The following NTM variants were observed in gnomAD, a reference collection of about 807,000 sequenced individuals.
NTM encodes neurotrimin.
NTM carries 13 observed loss-of-function variants against 42.1 expected under a neutral mutation model. The observed-to-expected ratio is 0.31, with a 90% CI of 0.20 to 0.49. The LOEUF is 0.49. NTM is among the 20% of genes least tolerant of loss of function. The pLI is 0.99. For missense variants in NTM, 373 were observed against 452.8 expected, an observed-to-expected ratio of 0.82 and a Z score of 1.60; for synonymous variants, 187 against 179.2, an observed-to-expected ratio of 1.04 and a Z score of -0.35.
intron 1 of NTM, among the ~76,000 whole-genome samples, chr11:131,630,204 T>C (rs143498412): frequency 6.6e-6 from 1 of 152,116 alleles, no homozygotes; most frequent in Non-Finnish European, 1.5e-5. Flanking sequence ...AAGGTGAGAA[T>C]GGATATTGGC....
At chr11:131,404,731 G>A (rs1208433387) in intron 1 of NTM, among the ~76,000 whole-genome samples, 2 of 152,190 alleles carry the variant, frequency 1.3e-5, no homozygotes, top group African/African-American at 2.4e-5. Context: ...CAATGGAGAG[G>A]TTTAGTTGCC....
At chr11:131,711,682 A>C (rs1352678945) in intron 1 of NTM, among the ~76,000 whole-genome samples, 36 of 151,906 alleles carry the variant, frequency 2.4e-4, no homozygotes, top group African/African-American at 8.2e-4. Flanking sequence ...ACATGCACAC[A>C]TATGTTTATT....
chr11:132,263,389 A>G (rs1032675207), intron 4 of NTM, among the ~76,000 whole-genome samples: 1 of 152,240 alleles, frequency 6.6e-6, no homozygotes, highest in African/African-American at 2.4e-5. Context: ...AAGAAATCAG[A>G]CAACCTTCCT....
chr11:131,448,959 C>A (rs1950271556), intron 1 of NTM, among the ~76,000 whole-genome samples: 1 of 152,160 alleles, frequency 6.6e-6, no homozygotes, highest in South Asian at 2.1e-4. Flanking sequence ...TTTTGTCCAT[C>A]CACTGAGAAC....
intron 2 of NTM, among the ~76,000 whole-genome samples, chr11:132,029,976 A>G (rs1309174805): frequency 6.6e-6 from 1 of 152,202 alleles, no homozygotes; most frequent in Non-Finnish European, 1.5e-5. Flanking sequence ...TTTAAATGGA[A>G]CTTAAAACAT....
intron 2 of NTM, among the ~76,000 whole-genome samples, chr11:132,125,580 ATGTGGTG>A (rs2065604536): frequency 3.1e-5 from 1 of 32,760 alleles, no homozygotes; most frequent in African/African-American, 1.2e-4. Flanking sequence ...ATGAATGTGT[ATGTGGTG>A]TGTAGTGTGT....
chr11:132,104,807 A>G (rs960641734), intron 2 of NTM, among the ~76,000 whole-genome samples: 10 of 149,566 alleles, frequency 6.7e-5, no homozygotes, highest in Non-Finnish European at 1.5e-4. Flanking sequence ...TAGGAGGCTG[A>G]GGCAGGAAGA....
At chr11:131,377,027 A>G (rs1473161300) in intron 1 of NTM, among the ~76,000 whole-genome samples, 4 of 152,212 alleles carry the variant, frequency 2.6e-5, no homozygotes, top group African/African-American at 9.6e-5. Context: ...ATAAACGGAA[A>G]GCAACAACAG....
chr11:132,035,650 G>A (rs2076418878), intron 2 of NTM, among the ~76,000 whole-genome samples: 1 of 151,996 alleles, frequency 6.6e-6, no homozygotes, highest in South Asian at 2.1e-4. Flanking sequence ...GCAGTGGGAG[G>A]GGTGTGTGTG....
chr11:131,400,066 G>A (rs936521555), intron 1 of NTM, among the ~76,000 whole-genome samples: 1 of 149,144 alleles, frequency 6.7e-6, no homozygotes, highest in Non-Finnish European at 1.5e-5. Context: ...TTGATTGGTA[G>A]CATGTTGTAA....
intron 1 of NTM, among the ~76,000 whole-genome samples, chr11:131,883,143 T>C (rs952998893): frequency 6.6e-6 from 1 of 152,152 alleles, no homozygotes; most frequent in African/African-American, 2.4e-5. Flanking sequence ...AAATCAAAGA[T>C]TTTTTTCTTG....
chr11:131,780,943 A>G (rs1002175365), intron 1 of NTM, among the ~76,000 whole-genome samples: 1 of 152,208 alleles, frequency 6.6e-6, no homozygotes, highest in Non-Finnish European at 1.5e-5. Flanking sequence ...TGTCGTACTT[A>G]CAAGATGAAT....
chr11:132,002,562 A>G lies in NTM; in HGVS notation c.167+90914A>G, dbSNP rs115041791. ...ATGATGTGTTGGTGTCTGTCCCCCA[A>G]ATTGGAGGCTTCTGGCCATTGCTTG... On this transcript the variant is annotated intron_variant, in intron 2 of 8. Transcript: ENST00000683400. This position sits in a 1 kb window ranked among gnomAD's most constrained non-coding sequence, Gnocchi z 4.5. Among the ~76,000 whole-genome samples the G allele has an allele frequency of 1.7e-4, 26 of 152,288 alleles. No individual in the cohort carries two copies. Among genetic ancestry groups the G allele is most frequent in the African/African-American group, 6.0e-4 (25 of 41,558 alleles).
At chr11:131,900,157 G>A (rs754434700) in intron 1 of NTM, among the ~76,000 whole-genome samples, 1 of 152,224 alleles carries the variant, frequency 6.6e-6, no homozygotes, top group Admixed American at 6.5e-5. Flanking sequence ...CGAGAAGGGT[G>A]ACGACAACTC....
chr11:131,620,111 C>T (rs1201652914), intron 1 of NTM, among the ~76,000 whole-genome samples: 1 of 152,136 alleles, frequency 6.6e-6, no homozygotes, highest in African/African-American at 2.4e-5. Context: ...CACCACTGAA[C>T]ATCTCATATA....
intron 1 of NTM, among the ~76,000 whole-genome samples, chr11:131,700,235 A>G (rs953128328): frequency 3.3e-5 from 5 of 152,180 alleles, no homozygotes; most frequent in African/African-American, 9.7e-5. Flanking sequence ...TCAATGCCTT[A>G]TTCTAAATGT....
intron 4 of NTM, among the ~76,000 whole-genome samples, chr11:132,281,061 A>C (rs1166269701): frequency 6.6e-6 from 1 of 152,146 alleles, no homozygotes; most frequent in Non-Finnish European, 1.5e-5. Flanking sequence ...AATGAGCATA[A>C]ATGTTCATTT....
chr11:132,136,565 T>C (rs116261596), intron 2 of NTM, among the ~76,000 whole-genome samples: 1,667 of 152,334 alleles, frequency 0.011, 21 homozygotes, highest in African/African-American at 0.038. Context: ...GTACATCATA[T>C]GTGTACATGG....
chr11:132,045,758 G>A (rs509338), intron 2 of NTM, among the ~76,000 whole-genome samples: 18,699 of 151,988 alleles, frequency 0.12, 1,214 homozygotes, highest in Middle Eastern at 0.22. Flanking sequence ...TTTTTCCCAC[G>A]GCACAGCACG....
Sources: allele counts gnomAD v4.1 joint callset (sites outside exome capture counted in the v4.1 genomes callset), GRCh38; gene constraint gnomAD v4.1.1; non-coding constraint Gnocchi (gnomAD v3.1); transcripts MANE v1.5; gene names NCBI Gene and HGNC (gene_info 2026-07-23, HGNC 2026-07-21).